The following SLC1A3 variants were observed in gnomAD, a reference collection of about 807,000 sequenced individuals.
SLC1A3 encodes the protein solute carrier family 1 member 3, also known as excitatory amino acid transporter 1.
In SLC1A3, 21 loss-of-function variants were observed where a neutral mutation model predicts 48.1. The observed-to-expected ratio is 0.44, with a 90% CI of 0.31 to 0.63. SLC1A3 has a LOEUF of 0.63. Among genes scored for constraint, SLC1A3 ranks in the 20% least tolerant of loss-of-function variants. SLC1A3 has a pLI of 0.08. For missense variants in SLC1A3, 546 were observed against 689.0 expected (o/e 0.79, Z 2.32); for synonymous variants, 239 against 251.4 (o/e 0.95, Z 0.47).
chr5:36,635,425 G>T (rs1441485919), intron 3 of SLC1A3, among the ~76,000 whole-genome samples: 1 of 152,160 alleles, frequency 6.6e-6, no homozygotes, highest in Non-Finnish European at 1.5e-5. Context: ...TCAGGGACAC[G>T]GAACTAAGGC....
At chr5:36,623,792 G>C (rs375429763) in intron 2 of SLC1A3, among the ~76,000 whole-genome samples, 124 of 151,032 alleles carry the variant, frequency 8.2e-4, no homozygotes, top group African/African-American at 2.8e-3. Flanking sequence ...TGAACCCAGA[G>C]GCAGAGGTTG....
chr5:36,669,897 C>T (rs1314145208), intron 3 of SLC1A3: 1 of 151,302 alleles, frequency 6.6e-6, no homozygotes, highest in East Asian at 1.9e-4. Context: ...GAATCTGATA[C>T]TCGTCATTGA....
Position 36,686,381 on chromosome 5 carries a change from C to G in SLC1A3, c.*112C>G. The stretch of plus-strand genomic sequence containing the variant: ...GCAAGCCCGTCATCTTCCCTTTCCT[C>G]CCTTCTGATAAGACTGGAAAATAGT... On this transcript the variant is annotated 3_prime_UTR_variant, in exon 10 of 10. Coordinates refer to ENST00000265113, the MANE Select transcript of SLC1A3 (RefSeq NM_004172.5). 1.1e-6 allele frequency: 1 copy of G among 888,074 alleles called. No homozygotes were observed. Among genetic ancestry groups the G allele is most frequent in the Non-Finnish European group, 1.9e-6 (1 of 537,558 alleles). 55.0% of individuals were successfully genotyped at this position (888,074 alleles called of 1,614,324 possible).
intron 3 of SLC1A3, among the ~76,000 whole-genome samples, chr5:36,648,489 G>T (rs1740925323): frequency 6.6e-6 from 1 of 152,160 alleles, no homozygotes; most frequent in African/African-American, 2.4e-5. Flanking sequence ...CCCTTCCTCA[G>T]AATAGTCTGG....
chr5:36,680,609 T>C lies in SLC1A3; in HGVS notation c.1289+20T>C, dbSNP rs759106070. On this transcript the variant is annotated intron_variant, in intron 8 of 9. Transcript: ENST00000265113. ...AATCAGGTACAAGGAAAGAGTTCTA[T>C]ACACCCTTTCTTAAGAATGCCTTTA... 9 of 1,595,990 alleles carry C rather than the reference T, an allele frequency of 5.6e-6. No individual in the cohort carries two copies. In the South Asian group the frequency reaches 8.8e-5, roughly 16 times the overall value.
chr5:36,598,240 A>G (rs1258089879), intron 1 of SLC1A3, among the ~76,000 whole-genome samples: 1 of 152,212 alleles, frequency 6.6e-6, no homozygotes, highest in African/African-American at 2.4e-5. Context: ...CAATTCCTTC[A>G]TTGGGAAAGT....
chr5:36,638,077 C>G (rs187941262), intron 3 of SLC1A3, among the ~76,000 whole-genome samples: 9 of 152,236 alleles, frequency 5.9e-5, no homozygotes, highest in African/African-American at 2.2e-4. Flanking sequence ...TCAGATACCC[C>G]CTCTTCTAGG....
At chr5:36,685,001 T>G (rs1183579556) in intron 9 of SLC1A3, among the ~76,000 whole-genome samples, 1 of 152,218 alleles carries the variant, frequency 6.6e-6, no homozygotes, top group East Asian at 1.9e-4. Flanking sequence ...AAAGCTACAG[T>G]TCTCCACAGT....
intron 2 of SLC1A3, chr5:36,612,862 C>T (rs184523453): frequency 2.2e-6 from 1 of 455,790 alleles, no homozygotes; most frequent in East Asian, 7.0e-5. Flanking sequence ...TGCTATAACA[C>T]CCATTCTGGC....
intron 3 of SLC1A3, among the ~76,000 whole-genome samples, chr5:36,645,508 T>G (rs543687235): frequency 4.4e-4 from 67 of 151,846 alleles, no homozygotes; most frequent in Admixed American, 6.6e-4. Context: ...ACATTTTTAG[T>G]ATAGACAGGT....
rs185488774 is a variant in SLC1A3, at chr5:36,680,792, C to A, written c.1289+203C>A. On this transcript the variant is annotated intron_variant, in intron 8 of 9. Transcript: ENST00000265113. ...ATTAGCCAGGCCTGGTGGCACGGGC[C>A]TGTGGTCCCAGCTACTTGGGAGGCT... Among the ~76,000 whole-genome samples the A allele has an allele frequency of 1.2e-4, 19 of 152,172 alleles. No individual in the cohort carries two copies. In the East Asian group the frequency reaches 3.7e-3, roughly 29 times the overall value.
At chr5:36,676,097 G>A (rs1296224443) in intron 5 of SLC1A3, among the ~76,000 whole-genome samples, 1 of 152,190 alleles carries the variant, frequency 6.6e-6, no homozygotes, top group Non-Finnish European at 1.5e-5. Context: ...ACCATCTCTT[G>A]AGTTAGAAGA....
chr5:36,683,837 T>C (rs1164810658), intron 8 of SLC1A3, 27 bp from the exon 9 acceptor site: 2 of 1,614,200 alleles, frequency 1.2e-6, no homozygotes, highest in Non-Finnish European at 8.5e-7. Flanking sequence ...GTAAAAGTGT[T>C]TTCTGTTCTG....
At chr5:36,624,689 T>A (rs768725476) in intron 2 of SLC1A3, among the ~76,000 whole-genome samples, 1 of 152,244 alleles carries the variant, frequency 6.6e-6, no homozygotes, top group Non-Finnish European at 1.5e-5. Context: ...TAATTAAATG[T>A]CCTTCTCACG....
At chr5:36,596,903 G>A (rs1738747060) in intron 1 of SLC1A3, among the ~76,000 whole-genome samples, 1 of 152,216 alleles carries the variant, frequency 6.6e-6, no homozygotes, top group African/African-American at 2.4e-5. Context: ...TTTAATCAGA[G>A]CACGGATGGG....
intron 3 of SLC1A3, among the ~76,000 whole-genome samples, chr5:36,632,748 C>T (rs531830550): frequency 1.3e-5 from 2 of 152,200 alleles, no homozygotes; most frequent in African/African-American, 2.4e-5. Flanking sequence ...AGAAAACATG[C>T]TATAAGTTTA....
At chr5:36,629,695 TC>T in intron 3 of SLC1A3, 108 bp downstream of exon 3, 1 of 930,702 alleles carries the variant, frequency 1.1e-6, no homozygotes, top group Admixed American at 1.9e-5. Context: ...CATGCTCTGT[TC>T]TAGAAAAAAA....
At chr5:36,636,045 T>TTGTTTGTGTGTGTGTGTGTG (rs71604837) in intron 3 of SLC1A3, 7 of 137,724 alleles carry the variant, frequency 5.1e-5, no homozygotes, top group African/African-American at 2.0e-4. Context: ...AATTAAATGT[T>TTGTTTGTGTGTGTGTGTGTG]TGTGTGTGTG....
At chr5:36,597,536 C>T (rs934295671) in intron 1 of SLC1A3, among the ~76,000 whole-genome samples, 1 of 152,140 alleles carries the variant, frequency 6.6e-6, no homozygotes, top group Non-Finnish European at 1.5e-5. Context: ...GCCACCGCGC[C>T]CGGCCCAAAA....
Sources: gnomAD v4.1 joint callset for allele counts (sites outside exome capture counted in the v4.1 genomes callset) on GRCh38, gnomAD v4.1.1 for gene constraint, MANE v1.5 for transcripts, NCBI Gene and HGNC (gene_info 2026-07-23, HGNC 2026-07-21) for gene names.